SLC5A12: variants seen among roughly 807,000 people sequenced by gnomAD.
SLC5A12 encodes solute carrier family 5 member 12.
SLC5A12 carries 46 observed loss-of-function variants against 72.7 expected under a neutral mutation model. The ratio of observed to expected loss-of-function variants is 0.63; its 90% CI spans 0.50 to 0.81. The LOEUF (loss-of-function observed/expected upper bound fraction) is 0.81, where lower values mean the gene tolerates loss of function less well. Ranked by LOEUF, SLC5A12 falls within the 30% of genes least tolerant of loss-of-function variation. The pLI, the probability that SLC5A12 is intolerant of heterozygous loss-of-function variation, is 0.00. For missense variants in SLC5A12, 683 were observed against 740.7 expected (o/e 0.92, Z 0.90); for synonymous variants, 275 against 264.4 (o/e 1.04, Z -0.39).
rs1156238361 is a variant in SLC5A12, at chr11:26,699,949, T to A, written c.822-1414A>T. ...TGATTGAAGAAATTAATGGTAGAAA[T>A]TCTTTACTACATAACTGCATTTTTT... is the stretch of plus-strand genomic sequence containing the variant. On this transcript the variant is annotated intron_variant, in intron 6 of 14. Transcript: ENST00000396005. 3.9e-5 allele frequency among the ~76,000 whole-genome samples: 6 copies of A among 152,222 alleles called. No individual in the cohort carries two copies. The East Asian group carries it at 1.2e-3, about 29-fold the overall frequency.
In SLC5A12 at chr11:26,703,816, A is replaced by G; in HGVS notation, c.657T>C (p.Asn219=). The G allele has an allele frequency of 6.2e-7, 1 of 1,613,938 alleles. No homozygotes were observed. Among genetic ancestry groups the G allele is most frequent in the Admixed American group, 1.7e-5 (1 of 60,008 alleles). ...ACTCAAATATATGTAGTCGAGATCC[A>G]TTTGTTGATTGCTCTAATACATTGT... ...GFHNVLEQST[N]GSRLHIFDFD... Residue 219 remains asparagine (N), a synonymous_variant, in exon 5 of 15, where the codon AAT becomes AAC. Transcript: ENST00000396005.
chr11:26,700,883 A>G (rs1373999331), intron 6 of SLC5A12, among the ~76,000 whole-genome samples: 3 of 152,328 alleles, frequency 2.0e-5, no homozygotes, highest in East Asian at 3.9e-4. Flanking sequence ...ATTCTAACCC[A>G]TGCCCACTTT....
chr11:26,699,763 T>C (rs1854914563), intron 6 of SLC5A12, among the ~76,000 whole-genome samples: 2 of 152,218 alleles, frequency 1.3e-5, no homozygotes, highest in African/African-American at 4.8e-5. Flanking sequence ...CTTCCTGCTC[T>C]CTTGTCAGTT....
chr11:26,719,399 TC>T (rs1855426811), intron 1 of SLC5A12, among the ~76,000 whole-genome samples: 1 of 152,076 alleles, frequency 6.6e-6, no homozygotes, highest in South Asian at 2.1e-4. Flanking sequence ...TGCCCTCAAC[TC>T]CCTAAACATC....
intron 11 of SLC5A12, among the ~76,000 whole-genome samples, chr11:26,682,276 G>T (rs1854426153): frequency 6.6e-6 from 1 of 152,026 alleles, no homozygotes; most frequent in Admixed American, 6.6e-5. Flanking sequence ...TTTAAAAAAT[G>T]TCAAAACCAT....
intron 6 of SLC5A12, 102 bp from the exon 7 acceptor site, chr11:26,698,637 C>T: frequency 8.9e-7 from 1 of 1,118,872 alleles, no homozygotes; most frequent in Non-Finnish European, 1.2e-6. Context: ...GGTCTTTTTG[C>T]TAGTAAAATA....
At chr11:26,694,368 T>G (rs770945486) in intron 8 of SLC5A12, among the ~76,000 whole-genome samples, 20 of 152,250 alleles carry the variant, frequency 1.3e-4, no homozygotes, top group Admixed American at 5.9e-4. Flanking sequence ...TCATGGGGGA[T>G]ATAATCTGTT....
At chr11:26,674,317 CT>C in intron 13 of SLC5A12, among the ~76,000 whole-genome samples, 1 of 151,068 alleles carries the variant, frequency 6.6e-6, no homozygotes, top group Admixed American at 6.6e-5. Context: ...GATCAAATTT[CT>C]TTTAAGTGCC....
intron 9 of SLC5A12, among the ~76,000 whole-genome samples, chr11:26,689,726 G>A (rs1383901475): frequency 6.6e-6 from 1 of 152,082 alleles, no homozygotes; most frequent in African/African-American, 2.4e-5. Context: ...CAATGTGCAT[G>A]TTACAATAAT....
At chr11:26,686,645 T>G in intron 9 of SLC5A12, 101 bp from the exon 10 acceptor site, 4 of 997,518 alleles carry the variant, frequency 4.0e-6, no homozygotes, top group Middle Eastern at 4.2e-4. Flanking sequence ...CCAAGCCCTT[T>G]GCAAAGGGAT....
At chr11:26,696,744 A>G (rs1266842605) in intron 8 of SLC5A12, among the ~76,000 whole-genome samples, 1 of 152,198 alleles carries the variant, frequency 6.6e-6, no homozygotes, top group Non-Finnish European at 1.5e-5. Context: ...ATTGACTGAA[A>G]TGTCATGTGG....
chr11:26,688,581 A>G (rs1854592479), intron 9 of SLC5A12, among the ~76,000 whole-genome samples: 1 of 152,182 alleles, frequency 6.6e-6, no homozygotes, highest in African/African-American at 2.4e-5. Flanking sequence ...TAACCTAAAA[A>G]CTGAAATAAA....
chr11:26,712,562 G>T, intron 2 of SLC5A12, 79 bp downstream of exon 2: 2 of 1,079,090 alleles, frequency 1.9e-6, no homozygotes, highest in Non-Finnish European at 2.6e-6. Flanking sequence ...CTTTAGCTGA[G>T]TTTATTGCCC....
At chr11:26,686,934 T>C (rs2133158249) in intron 9 of SLC5A12, among the ~76,000 whole-genome samples, 1 of 152,330 alleles carries the variant, frequency 6.6e-6, no homozygotes, top group South Asian at 2.1e-4. Context: ...AAGAAGCTAC[T>C]AATTCCAGGA....
chr11:26,717,932 G>A (rs929778053), intron 1 of SLC5A12, among the ~76,000 whole-genome samples: 1 of 152,126 alleles, frequency 6.6e-6, no homozygotes, highest in Non-Finnish European at 1.5e-5. Context: ...AGCATTCCAA[G>A]AGGACAAAGG....
chr11:26,671,888 T>C (rs577560175), intron 14 of SLC5A12, among the ~76,000 whole-genome samples: 3 of 152,302 alleles, frequency 2.0e-5, no homozygotes, highest in South Asian at 2.1e-4. Flanking sequence ...AATAGGCTGC[T>C]TAACCAGCTG....
intron 14 of SLC5A12, 116 bp from the exon 15 acceptor site, chr11:26,671,367 G>C: frequency 2.0e-4 from 148 of 729,130 alleles, no homozygotes; most frequent in East Asian, 2.8e-4. Context: ...TACAAAAGAA[G>C]CATAAACAAC....
chr11:26,717,815 G>C (rs1323549472), intron 1 of SLC5A12, among the ~76,000 whole-genome samples: 1 of 152,170 alleles, frequency 6.6e-6, no homozygotes, highest in Non-Finnish European at 1.5e-5. Context: ...CACAGGTCTG[G>C]TAACTTGTAT....
intron 1 of SLC5A12, among the ~76,000 whole-genome samples, chr11:26,720,876 T>A (rs1855464174): frequency 6.6e-6 from 1 of 152,196 alleles, no homozygotes; most frequent in South Asian, 2.1e-4. Flanking sequence ...ATAATTTGTA[T>A]TAAAATGCCC....
Sources: allele counts gnomAD v4.1 joint callset (sites outside exome capture counted in the v4.1 genomes callset), GRCh38; gene constraint gnomAD v4.1.1; transcripts MANE v1.5; gene names NCBI Gene and HGNC (gene_info 2026-07-23, HGNC 2026-07-21).